Variants in VAX1 observed in about 807,000 individuals in gnomAD.
VAX1 encodes ventral anterior homeobox 1.
A neutral mutation model predicts 17.6 loss-of-function variants in VAX1; 6 were observed. The observed-to-expected ratio is 0.34, with a 90% CI of 0.19 to 0.67. VAX1 has a LOEUF of 0.67. Among genes scored for constraint, VAX1 ranks in the 30% least tolerant of loss-of-function variants. The probability of loss-of-function intolerance (pLI) is 0.69; values close to 1 mark genes in which losing one functional copy is unlikely to be tolerated. For missense variants in VAX1, 408 were observed against 463.7 expected (o/e 0.88, Z 1.10); for synonymous variants, 256 against 227.4 (o/e 1.13, Z -1.13).
Position 117,133,627 on chromosome 10 carries a change from C to A in VAX1, c.*381G>T. 1 of 995,056 alleles carries A rather than the reference C, an allele frequency of 1.0e-6. No homozygotes were observed. The highest frequency in any genetic ancestry group is 1.2e-6 in the Non-Finnish European group (1 of 836,708). 61.6% of individuals were successfully genotyped at this position (995,056 alleles called of 1,614,324 possible). Reference sequence around the variant, plus strand: ...AAATATTCCTAGGAATAGTCGGCAGCGGCAGCAGCCGCAGCAGCCGCGGAT... The same window carrying A: ...AAATATTCCTAGGAATAGTCGGCAGAGGCAGCAGCCGCAGCAGCCGCGGAT... On this transcript the variant is annotated 3_prime_UTR_variant, in exon 3 of 3. Coordinates refer to ENST00000369206, the MANE Select transcript of VAX1 (RefSeq NM_001112704.2).
In VAX1 at chr10:117,133,738, A is replaced by G. The variant is rs147842697; in HGVS notation, c.*270T>C. 14,901 of 1,203,970 alleles carry G rather than the reference A, an allele frequency of 0.012. 116 individuals carry two copies. The highest frequency in any genetic ancestry group is 0.018 in the Middle Eastern group (56 of 3,054). 74.6% of individuals were successfully genotyped at this position (1,203,970 alleles called of 1,614,324 possible). A position where few individuals can be genotyped will look rare whatever the true frequency, so the allele number is the denominator to read the frequency against. ...CGGGGTCAGGGCATCAGGTTGACTA[A>G]CTCGGGCATTTTTCCCAATTCTTTG... is the stretch of plus-strand genomic sequence containing the variant. On this transcript the variant is annotated 3_prime_UTR_variant, in exon 3 of 3. Coordinates refer to ENST00000369206, the MANE Select transcript of VAX1 (RefSeq NM_001112704.2).
In VAX1 at chr10:117,134,332, G is replaced by T; in HGVS notation, c.681C>A (p.Ala227=). 1 of 1,046,984 alleles carries T rather than the reference G, an allele frequency of 9.6e-7. No homozygotes were observed. Among genetic ancestry groups the T allele is most frequent in the Non-Finnish European group, 1.1e-6 (1 of 871,838 alleles). 64.9% of individuals were successfully genotyped at this position (1,046,984 alleles called of 1,614,324 possible). ...LGAGAAAGSA[A]AAAAAAPGPA... The stretch of plus-strand genomic sequence containing the variant: ...GGCCCGGGGCGGCGGCGGCGGCTGC[G>T]GCGGCCGAGCCTGCAGCGGCGCCCG... Residue 227 remains alanine (A), a synonymous_variant, in exon 3 of 3, where the codon GCC becomes GCA. Transcript: ENST00000369206. This position sits in a 1 kb window ranked among gnomAD's most constrained non-coding sequence, Gnocchi z 6.2.
chr10:117,133,482 A>G lies in VAX1; in HGVS notation c.*526T>C, dbSNP rs1854117513. On this transcript the variant is annotated 3_prime_UTR_variant, in exon 3 of 3. Coordinates refer to ENST00000369206, the MANE Select transcript of VAX1 (RefSeq NM_001112704.2). ...TACCGACTATCCCGAGAGGTCCGCA[A>G]AGCGGGGCCCAGGGGCTCCCACAAG... The G allele has an allele frequency of 2.0e-6, 2 of 985,448 alleles. No individual in the cohort carries two copies. Among genetic ancestry groups the G allele is most frequent in the African/African-American group, 3.5e-5 (2 of 57,242 alleles). The allele number at this position is 985,448 out of a possible 1,614,324, so 61.0% of individuals were successfully genotyped here. A position where few individuals can be genotyped will look rare whatever the true frequency, so the allele number is the denominator to read the frequency against.
chr10:117,136,039 C>G lies in VAX1; in HGVS notation c.429+433G>C, dbSNP rs552108490. Among the ~76,000 whole-genome samples, 2 of 152,258 alleles carry G rather than the reference C, an allele frequency of 1.3e-5. No homozygotes were observed. The highest frequency in any genetic ancestry group is 2.9e-5 in the Non-Finnish European group (2 of 68,052). The stretch of plus-strand genomic sequence containing the variant: ...GGGGGTGTTAGATCTAGCCTCACTC[C>G]TGTAGAATGGGCCTGGACGCTGAGT... On this transcript the variant is annotated intron_variant, in intron 2 of 2. Coordinates refer to ENST00000369206, the MANE Select transcript of VAX1 (RefSeq NM_001112704.2). The surrounding 1 kb of genome is among the most constrained non-coding windows in gnomAD (Gnocchi z 5.0).
In VAX1 at chr10:117,135,713, G is replaced by T. The variant is rs370736388; in HGVS notation, c.429+759C>A. ...TGACATGCCACTTGGCAAGTTCTTGGGTCCTCTCCTGGGCCCAGAGCCCAC... is the reference window on the plus strand; with the variant it reads ...TGACATGCCACTTGGCAAGTTCTTGTGTCCTCTCCTGGGCCCAGAGCCCAC... On this transcript the variant is annotated intron_variant, in intron 2 of 2. Coordinates refer to ENST00000369206, the MANE Select transcript of VAX1 (RefSeq NM_001112704.2). Among the ~76,000 whole-genome samples the T allele has an allele frequency of 2.0e-5, 3 of 152,350 alleles. No individual in the cohort carries two copies. The East Asian group carries it at 5.8e-4, about 29-fold the overall frequency.
Position 117,133,717 on chromosome 10 carries a change from G to T in VAX1, c.*291C>A. The T allele has an allele frequency of 8.7e-7, 1 of 1,154,864 alleles. No homozygotes were observed. The allele number at this position is 1,154,864 out of a possible 1,614,324, so 71.5% of individuals were successfully genotyped here. A position where few individuals can be genotyped will look rare whatever the true frequency, so the allele number is the denominator to read the frequency against. ...TTTTCCCTCCTGGGCTGGGCACGGG[G>T]TCAGGGCATCAGGTTGACTAACTCG... On this transcript the variant is annotated 3_prime_UTR_variant, in exon 3 of 3. Transcript: ENST00000369206.
In VAX1 at chr10:117,137,474, G is replaced by T. The variant is rs1359063632; in HGVS notation, c.241+342C>A. Among the ~76,000 whole-genome samples the T allele has an allele frequency of 1.3e-5, 2 of 152,212 alleles. No homozygotes were observed. The highest frequency in any genetic ancestry group is 2.9e-5 in the Non-Finnish European group (2 of 68,028). On this transcript the variant is annotated intron_variant, in intron 1 of 2. Coordinates refer to ENST00000369206, the MANE Select transcript of VAX1 (RefSeq NM_001112704.2). The surrounding 1 kb of genome is among the most constrained non-coding windows in gnomAD (Gnocchi z 7.4). ...TCCCCTGGCCGGCTCCCGGCAGGTC[G>T]TCCGGCCCTTGGAGCGCGCACACCT... is the stretch of plus-strand genomic sequence containing the variant.
In VAX1 at chr10:117,137,977, T is replaced by G. The variant is rs376554237; in HGVS notation, c.80A>C (p.Lys27Thr). The G allele has an allele frequency of 2.2e-5, 35 of 1,613,626 alleles. No individual in the cohort carries two copies. The African/African-American group carries it at 4.0e-4, about 18-fold the overall frequency. The change falls in exon 1 of 3, where the codon AAG (lysine) becomes ACG (threonine). Residue 27 changes from lysine to threonine, a missense_variant. Coordinates refer to ENST00000369206, the MANE Select transcript of VAX1 (RefSeq NM_001112704.2). This position sits in a 1 kb window ranked among gnomAD's most constrained non-coding sequence, Gnocchi z 7.4. ...EAARVSKNAH[K>T]ESRESKGAEG... ...CGCGCCCTTGCTCTCCCGACTCTCC[T>G]TGTGCGCGTTCTTCGAGACCCGGGC...
chr10:117,133,212 G>A (rs1388007239), downstream of VAX1: 3 of 915,812 alleles, frequency 3.3e-6, no homozygotes, highest in Non-Finnish European at 3.9e-6. Flanking sequence ...TGCCCTGTGG[G>A]GCATTCTGTA....
chr10:117,130,347 G>A (rs528211724), downstream of VAX1: 2 of 152,274 alleles, frequency 1.3e-5, no homozygotes, highest in Non-Finnish European at 2.9e-5. Flanking sequence ...ATAGGAGCAT[G>A]TGTCCCGTTT....
Position 117,134,931 on chromosome 10 carries a change from G to A in VAX1, c.430-348C>T, listed in dbSNP as rs189554716. ...GCGCTACCCCGCAGCGGTGTTTGGGGCTCACAGATGTGTGAATCAGTGCAG... is the reference window on the plus strand; with the variant it reads ...GCGCTACCCCGCAGCGGTGTTTGGGACTCACAGATGTGTGAATCAGTGCAG... On this transcript the variant is annotated intron_variant, in intron 2 of 2. Coordinates refer to ENST00000369206, the MANE Select transcript of VAX1 (RefSeq NM_001112704.2). The surrounding 1 kb of genome is among the most constrained non-coding windows in gnomAD (Gnocchi z 6.2). Among the ~76,000 whole-genome samples the A allele has an allele frequency of 6.6e-6, 1 of 152,270 alleles. No individual in the cohort carries two copies. Among genetic ancestry groups the A allele is most frequent in the Admixed American group, 6.5e-5 (1 of 15,300 alleles).
downstream of VAX1, chr10:117,129,289 CAGATGG>C (rs1034462114): frequency 4.6e-5 from 7 of 152,430 alleles, no homozygotes; most frequent in African/African-American, 1.7e-4. Context: ...TCTGATTCAT[CAGATGG>C]GACTAGGGCT....
In VAX1 at chr10:117,134,190, G is replaced by A; in HGVS notation, c.823C>T (p.Leu275=). 5.3e-6 allele frequency: 8 copies of A among 1,513,302 alleles called. No homozygotes were observed. The highest frequency in any genetic ancestry group is 7.1e-6 in the Non-Finnish European group (8 of 1,131,940). 93.7% of individuals were successfully genotyped at this position (1,513,302 alleles called of 1,614,324 possible). The change falls in exon 3 of 3, where the codon CTG becomes TTG. Residue 275 remains leucine (L), a synonymous_variant. Transcript: ENST00000369206. The surrounding 1 kb of genome is among the most constrained non-coding windows in gnomAD (Gnocchi z 6.2). ...GAGCCGAGCAGCGAGGGCACCGGCAGGCTGAAGAGGCTGTGGCCCGCGGCC... is the reference window on the plus strand; with the variant it reads ...GAGCCGAGCAGCGAGGGCACCGGCAAGCTGAAGAGGCTGTGGCCCGCGGCC... ...APAAGHSLFS[L]PVPSLLGSVA...
Position 117,134,018 on chromosome 10 carries a change from G to T in VAX1, c.995C>A (p.Ala332Glu), listed in dbSNP as rs1854129136. ...GGGAAACACTTAAAATCAGTCCAGC[G>T]CTTTTTTCTCGGCCCCTTCTTTATT... is the stretch of plus-strand genomic sequence containing the variant. ...TNNKEGAEKKALD is the reference protein window; with the variant it reads ...TNNKEGAEKKELD The change falls in exon 3 of 3, where the codon GCG (alanine) becomes GAG (glutamate). Residue 332 changes from alanine (A) to glutamate (E), a missense_variant. Coordinates refer to ENST00000369206, the MANE Select transcript of VAX1 (RefSeq NM_001112704.2). This position sits in a 1 kb window ranked among gnomAD's most constrained non-coding sequence, Gnocchi z 6.2. The T allele has an allele frequency of 2.0e-6, 3 of 1,521,008 alleles. No homozygotes were observed. Among genetic ancestry groups the T allele is most frequent in the Non-Finnish European group, 2.6e-6 (3 of 1,133,978 alleles). 94.2% of individuals were successfully genotyped at this position (1,521,008 alleles called of 1,614,324 possible).
downstream of VAX1, chr10:117,129,313 C>G (rs1218059957): frequency 6.6e-6 from 1 of 152,458 alleles, no homozygotes; most frequent in East Asian, 1.9e-4. Context: ...GCTTAGGAAC[C>G]TGGAATTTTA....
At position 117,133,369 on chromosome 10, in the gene VAX1, G is replaced by C; in HGVS notation, c.*639C>G. The C allele has an allele frequency of 3.0e-6, 3 of 985,576 alleles. No individual in the cohort carries two copies. The highest frequency in any genetic ancestry group is 3.6e-6 in the Non-Finnish European group (3 of 830,066). 61.1% of individuals were successfully genotyped at this position (985,576 alleles called of 1,614,324 possible). On this transcript the variant is annotated 3_prime_UTR_variant, in exon 3 of 3. Coordinates refer to ENST00000369206, the MANE Select transcript of VAX1 (RefSeq NM_001112704.2). ...GTTGCCTACTACGACGTTTGTTACTGTTTCCTGGGGTCGGGGGTGGTTGTG... is the reference window on the plus strand; with the variant it reads ...GTTGCCTACTACGACGTTTGTTACTCTTTCCTGGGGTCGGGGGTGGTTGTG...
chr10:117,134,647 G>C lies in VAX1; in HGVS notation c.430-64C>G. The C allele has an allele frequency of 2.1e-6, 3 of 1,416,692 alleles. No individual in the cohort carries two copies. The South Asian group carries it at 4.2e-5, about 20-fold the overall frequency. 87.8% of individuals were successfully genotyped at this position (1,416,692 alleles called of 1,614,324 possible). The stretch of plus-strand genomic sequence containing the variant: ...AGGGAAGACCAGCGTCAAAGGAAGC[G>C]AGCTCCCGGGGCGCGCGGCTCCGGG... On this transcript the variant is annotated intron_variant, in intron 2 of 2. Transcript: ENST00000369206. The surrounding 1 kb of genome is among the most constrained non-coding windows in gnomAD (Gnocchi z 6.2).
In VAX1 at chr10:117,137,995, AC is replaced by A; in HGVS notation, c.61del (p.Val21SerfsTer124). The A allele has an allele frequency of 6.2e-7, 1 of 1,611,844 alleles. No homozygotes were observed. The highest frequency in any genetic ancestry group is 8.5e-7 in the Non-Finnish European group (1 of 1,179,492). ...RCHSDAEAAR[V>X]SKNAHKESRE... The stretch of plus-strand genomic sequence containing the variant: ...ACTCTCCTTGTGCGCGTTCTTCGAG[AC>A]CCGGGCAGCCTCGGCGTCCGAGTGG... On this transcript the variant is annotated frameshift_variant, in exon 1 of 3. Transcript: ENST00000369206. LOFTEE classifies it high-confidence loss of function. This position sits in a 1 kb window ranked among gnomAD's most constrained non-coding sequence, Gnocchi z 7.4.
downstream of VAX1, among the ~76,000 whole-genome samples, chr10:117,132,648 G>T (rs1451086862): frequency 6.6e-6 from 1 of 152,190 alleles, no homozygotes; most frequent in African/African-American, 2.4e-5. The surrounding 1 kb of genome is among the most constrained non-coding windows in gnomAD (Gnocchi z 4.9). Flanking sequence ...AAATGTGGGT[G>T]GCCGTGGCTG....
Sources: allele counts gnomAD v4.1 joint callset (sites outside exome capture counted in the v4.1 genomes callset), GRCh38; gene constraint gnomAD v4.1.1; non-coding constraint Gnocchi (gnomAD v3.1); transcripts MANE v1.5; gene names NCBI Gene and HGNC (gene_info 2026-07-23, HGNC 2026-07-21).